POLR3E: variants seen among roughly 807,000 people sequenced by gnomAD.
POLR3E encodes the protein DNA-directed RNA polymerase III subunit RPC5.
In POLR3E, 41 loss-of-function variants were observed where a neutral mutation model predicts 96.6. That is an observed-to-expected ratio of 0.42 (90% CI 0.33 to 0.55). The LOEUF is 0.55. Among genes scored for constraint, POLR3E ranks in the 20% least tolerant of loss-of-function variants. The pLI is 0.06. For synonymous variants in POLR3E, 396 were observed against 383.6 expected (o/e 1.03, Z -0.38); for missense variants, 849 against 952.1 (o/e 0.89, Z 1.43).
chr16:22,316,552 C>A, intron 9 of POLR3E, 49 bp from the exon 10 acceptor site: 1 of 1,475,512 alleles, frequency 6.8e-7, no homozygotes, highest in Non-Finnish European at 9.5e-7. Flanking sequence ...GGGGCCCAGG[C>A]CAGGGCCATC....
Position 22,315,148 on chromosome 16 carries a change from G to C in POLR3E, c.582G>C (p.Glu194Asp). 6.2e-7 allele frequency: 1 copy of C among 1,612,516 alleles called. No individual in the cohort carries two copies. Among genetic ancestry groups the C allele is most frequent in the Non-Finnish European group, 8.5e-7 (1 of 1,179,310 alleles). Residue 194 changes from glutamate (E) to aspartate (D), a missense_variant, in exon 9 of 21, where the codon GAG becomes GAC. Glu to Asp is a conservative substitution (Grantham distance 45). Coordinates refer to ENST00000299853, the MANE Select transcript of POLR3E (RefSeq NM_018119.4). ...GCCAGCGCCGTGTGCAGTCCTATGAGTTCCTGCAGAAGAAGCACGCAGAGG... is the reference window on the plus strand; with the variant it reads ...GCCAGCGCCGTGTGCAGTCCTATGACTTCCTGCAGAAGAAGCACGCAGAGG... ...QARQRRVQSY[E>D]FLQKKHAEEP...
At chr16:22,311,639 A>G (rs1424758215) in intron 6 of POLR3E, among the ~76,000 whole-genome samples, 4 of 151,692 alleles carry the variant, frequency 2.6e-5, no homozygotes, top group Non-Finnish European at 5.9e-5. Context: ...ACTACAGGCC[A>G]TGCCACCACA....
Position 22,315,306 on chromosome 16 carries a change from A to G in POLR3E, c.642+98A>G, listed in dbSNP as rs1052512158. On this transcript the variant is annotated intron_variant, in intron 9 of 20. Coordinates refer to ENST00000299853, the MANE Select transcript of POLR3E (RefSeq NM_018119.4). ...CTCACCTTGAACTTAAGTCAAATTC[A>G]TGAGTCATAGCCACAGATAGAGGAT... 503 of 1,294,836 alleles carry G rather than the reference A, an allele frequency of 3.9e-4. 2 individuals carry two copies. The highest frequency in any genetic ancestry group is 5.1e-4 in the Non-Finnish European group (478 of 936,512). The allele number at this position is 1,294,836 out of a possible 1,614,324, so 80.2% of individuals were successfully genotyped here.
At chr16:22,317,398 C>G (rs1156982108) in intron 12 of POLR3E, among the ~76,000 whole-genome samples, 192 bp downstream of exon 12, 1 of 152,240 alleles carries the variant, frequency 6.6e-6, no homozygotes, top group African/African-American at 2.4e-5. Context: ...CCGCAGGCAG[C>G]CCGGGTTCCC....
At chr16:22,308,090 G>T in intron 3 of POLR3E, 58 bp from the exon 4 acceptor site, 2 of 1,335,824 alleles carry the variant, frequency 1.5e-6, no homozygotes, top group South Asian at 2.3e-5. Context: ...CTTGGCCAGG[G>T]CCCAGCTCTG....
chr16:22,322,813 G>T lies in POLR3E; in HGVS notation c.987-37G>T. 1 of 1,464,794 alleles carries T rather than the reference G, an allele frequency of 6.8e-7. No homozygotes were observed. The highest frequency in any genetic ancestry group is 9.6e-7 in the Non-Finnish European group (1 of 1,046,604). 90.7% of individuals were successfully genotyped at this position (1,464,794 alleles called of 1,614,324 possible). ...GGGGTAGCGGTAGAGGGGGCTCAGG[G>T]CAGGGACTGACCTGCCATCCTCACC... is the stretch of plus-strand genomic sequence containing the variant. On this transcript the variant is annotated intron_variant, in intron 13 of 20. Transcript: ENST00000299853. The surrounding 1 kb of genome is among the most constrained non-coding windows in gnomAD (Gnocchi z 5.2).
chr16:22,302,896 G>GACTGA, intron 1 of POLR3E, 35 bp from the exon 2 acceptor site: 2 of 1,412,678 alleles, frequency 1.4e-6, no homozygotes, highest in Non-Finnish European at 2.0e-6. Flanking sequence ...TTGGTTGAAC[G>GACTGA]ACTGATGGTC....
chr16:22,302,839 T>TC, intron 1 of POLR3E, 92 bp from the exon 2 acceptor site: 2 of 855,790 alleles, frequency 2.3e-6, no homozygotes, highest in South Asian at 1.4e-5. Context: ...GGTTGTGGGC[T>TC]CCCCCTCCCA....
intron 8 of POLR3E, among the ~76,000 whole-genome samples, chr16:22,314,699 A>G (rs915422128): frequency 6.6e-6 from 1 of 152,172 alleles, no homozygotes; most frequent in African/African-American, 2.4e-5. Context: ...ACACGGGCGT[A>G]ATGGACATGG....
chr16:22,307,996 C>T, intron 3 of POLR3E, 152 bp from the exon 4 acceptor site: 2 of 618,580 alleles, frequency 3.2e-6, no homozygotes, highest in Non-Finnish European at 5.9e-6. Context: ...AGGGGTGCCT[C>T]ATGGTAGGGC....
intron 4 of POLR3E, chr16:22,308,627 A>G: frequency 4.3e-6 from 2 of 461,242 alleles, no homozygotes; most frequent in South Asian, 3.2e-5. Flanking sequence ...AGTGGGAAAT[A>G]AGGATTTTTA....
At chr16:22,333,452 CAAA>C (rs1187205264) in intron 20 of POLR3E, among the ~76,000 whole-genome samples, 189 bp from the exon 21 acceptor site, 1 of 102,894 alleles carries the variant, frequency 9.7e-6, no homozygotes, top group Non-Finnish European at 2.1e-5. Flanking sequence ...AACTCTGTTT[CAAA>C]AAAAAAAAAA....
intron 10 of POLR3E, 134 bp downstream of exon 10, chr16:22,316,820 C>G (rs2048365441): frequency 1.0e-6 from 1 of 983,044 alleles, no homozygotes; most frequent in Non-Finnish European, 1.6e-6. Flanking sequence ...CTGGAGAAGG[C>G]CAGGAGGGTG....
intron 1 of POLR3E, among the ~76,000 whole-genome samples, chr16:22,299,703 C>T (rs1335472228): frequency 2.0e-5 from 3 of 152,006 alleles, no homozygotes; most frequent in African/African-American, 7.3e-5. Context: ...TGTGAGCCAC[C>T]GTGCCTGGCT....
At chr16:22,298,821 C>G in intron 1 of POLR3E, 1 of 352,338 alleles carries the variant, frequency 2.8e-6, no homozygotes, top group South Asian at 2.2e-5. Context: ...ATTCTTTGTA[C>G]TATATTGAGT....
intron 1 of POLR3E, among the ~76,000 whole-genome samples, chr16:22,300,722 C>T (rs2048003802): frequency 6.6e-6 from 1 of 152,236 alleles, no homozygotes; most frequent in Non-Finnish European, 1.5e-5. Context: ...TCATTCCATC[C>T]TCCATCTCTG....
intron 5 of POLR3E, 43 bp from the exon 6 acceptor site, chr16:22,309,385 G>C: frequency 6.9e-7 from 1 of 1,442,370 alleles, no homozygotes; most frequent in East Asian, 2.3e-5. Context: ...GCCCTGGCTC[G>C]GAGCTGCCTT....
intron 3 of POLR3E, chr16:22,305,573 C>G: frequency 2.2e-6 from 1 of 454,640 alleles, no homozygotes; most frequent in Non-Finnish European, 4.3e-6. Flanking sequence ...CTCATAGGTC[C>G]CCAGGAGGAC....
chr16:22,328,279 T>C (rs2048652661), intron 18 of POLR3E: 1 of 546,882 alleles, frequency 1.8e-6, no homozygotes. Flanking sequence ...ACACTCCCCC[T>C]CTCGCTGAAG....
Sources: allele counts gnomAD v4.1 joint callset (sites outside exome capture counted in the v4.1 genomes callset), GRCh38; gene constraint gnomAD v4.1.1; non-coding constraint Gnocchi (gnomAD v3.1); transcripts MANE v1.5; gene names NCBI Gene and HGNC (gene_info 2026-07-23, HGNC 2026-07-21).